IL1RAPL2: variants seen among roughly 807,000 people sequenced by gnomAD.
IL1RAPL2 encodes the protein X-linked interleukin-1 receptor accessory protein-like 2.
In IL1RAPL2, 3 loss-of-function variants were observed where a neutral mutation model predicts 44.1. That is an observed-to-expected ratio of 0.07 (90% CI 0.03 to 0.18). IL1RAPL2 has a LOEUF of 0.18. Among genes scored for constraint, IL1RAPL2 ranks in the 10% least tolerant of loss-of-function variants. The pLI is 1.00. For missense variants in IL1RAPL2, 391 were observed against 496.4 expected (o/e 0.79, Z 2.02); for synonymous variants, 181 against 178.8 (o/e 1.01, Z -0.10).
chrX:105,049,905 T>A (rs5916857), intron 2 of IL1RAPL2, among the ~76,000 whole-genome samples: 6,161 of 110,987 alleles, frequency 0.056, 181 homozygotes, highest in Non-Finnish European at 0.087. Flanking sequence ...ACTCTACAAG[T>A]TCTTAATTAA....
rs1196466656 is a variant in IL1RAPL2, at chrX:104,919,388, G to A, written c.82+260393G>A. ...TTACAGGCATGTGCGACCACACCTG[G>A]CTAATTTTGTATTTTTAGTAGAGAC... On this transcript the variant is annotated intron_variant, in intron 2 of 10. Transcript: ENST00000372582. Among the ~76,000 whole-genome samples, 3 of 108,266 alleles carry A rather than the reference G, an allele frequency of 2.8e-5. No individual in the cohort carries two copies. The Admixed American group carries it at 3.0e-4, about 11-fold the overall frequency. The allele number at this position is 108,266 out of a possible 115,157, so 94.0% of individuals were successfully genotyped here.
intron 2 of IL1RAPL2, among the ~76,000 whole-genome samples, chrX:104,897,279 G>A (rs1486199787): frequency 8.9e-6 from 1 of 111,986 alleles, no homozygotes; most frequent in Non-Finnish European, 1.9e-5. Context: ...AAAATAGGAG[G>A]AATGGCTGGG....
At chrX:104,799,031 C>A (rs776353344) in intron 2 of IL1RAPL2, among the ~76,000 whole-genome samples, 3 of 110,632 alleles carry the variant, frequency 2.7e-5, no homozygotes, top group Non-Finnish European at 5.7e-5. Flanking sequence ...TTACATGGAT[C>A]AACTTATTTA....
At chrX:104,633,052 G>A (rs1330580842) in intron 1 of IL1RAPL2, among the ~76,000 whole-genome samples, 1 of 111,319 alleles carries the variant, frequency 9.0e-6, no homozygotes, top group Non-Finnish European at 1.9e-5. Context: ...TAGCATGAAG[G>A]GTTGTTGAAT....
At chrX:104,632,029 G>T (rs1008902024) in intron 1 of IL1RAPL2, among the ~76,000 whole-genome samples, 13 of 111,432 alleles carry the variant, frequency 1.2e-4, no homozygotes, top group Admixed American at 6.7e-4. Context: ...TAAGGTGTAA[G>T]GAAGGGATCC....
At chrX:105,440,146 G>A (rs1468675812) in intron 5 of IL1RAPL2, among the ~76,000 whole-genome samples, 2 of 111,961 alleles carry the variant, frequency 1.8e-5, no homozygotes. Flanking sequence ...TACAGACCTT[G>A]GGAGTCTTTA....
chrX:104,909,494 T>C (rs1236197141), intron 2 of IL1RAPL2, among the ~76,000 whole-genome samples: 1 of 111,810 alleles, frequency 8.9e-6, no homozygotes, highest in Non-Finnish European at 1.9e-5. Flanking sequence ...TTTGGTCTTC[T>C]ATGATGGTGA....
At chrX:104,732,627 A>G (rs1165749602) in intron 2 of IL1RAPL2, among the ~76,000 whole-genome samples, 1 of 111,982 alleles carries the variant, frequency 8.9e-6, no homozygotes, top group Non-Finnish European at 1.9e-5. Flanking sequence ...AATTGTATCA[A>G]TAGTCAAAAA....
At chrX:105,738,399 G>A (rs761534440) in intron 7 of IL1RAPL2, among the ~76,000 whole-genome samples, 2 of 110,924 alleles carry the variant, frequency 1.8e-5, no homozygotes, top group Non-Finnish European at 3.8e-5. Flanking sequence ...ATTGGGAGGC[G>A]GGTACTTAGA....
chrX:105,047,631 A>C (rs1213568554), intron 2 of IL1RAPL2, among the ~76,000 whole-genome samples: 1 of 111,371 alleles, frequency 9.0e-6, no homozygotes, highest in Non-Finnish European at 1.9e-5. Flanking sequence ...CTTGTCTTCT[A>C]TTCTAACAAG....
chrX:105,122,195 T>C (rs187330397), intron 2 of IL1RAPL2, among the ~76,000 whole-genome samples: 16 of 111,475 alleles, frequency 1.4e-4, no homozygotes, highest in African/African-American at 5.2e-4. Context: ...AAGGGGAAAA[T>C]TGGTAACTCT....
intron 1 of IL1RAPL2, among the ~76,000 whole-genome samples, chrX:104,630,467 T>G (rs1449647685): frequency 9.2e-6 from 1 of 109,259 alleles, no homozygotes; most frequent in Non-Finnish European, 1.9e-5. Flanking sequence ...TTTGTATTTT[T>G]TTTTTTTTTC....
chrX:104,810,199 G>A (rs988242534), intron 2 of IL1RAPL2, among the ~76,000 whole-genome samples: 1 of 109,783 alleles, frequency 9.1e-6, no homozygotes, highest in Non-Finnish European at 1.9e-5. Context: ...TCACTCATAG[G>A]TGGGAATTGA....
intron 2 of IL1RAPL2, among the ~76,000 whole-genome samples, chrX:104,821,031 C>A (rs1221305171): frequency 2.7e-5 from 3 of 111,621 alleles, no homozygotes; most frequent in African/African-American, 9.8e-5. Flanking sequence ...GAAATTACAA[C>A]ACAAACTTAT....
intron 1 of IL1RAPL2, among the ~76,000 whole-genome samples, chrX:104,638,448 T>G (rs950264368): frequency 2.7e-5 from 3 of 111,704 alleles, no homozygotes; most frequent in African/African-American, 6.5e-5. Context: ...AGGTGCACTA[T>G]TAAATTATTT....
At chrX:105,122,161 A>G (rs2032931880) in intron 2 of IL1RAPL2, among the ~76,000 whole-genome samples, 1 of 111,662 alleles carries the variant, frequency 9.0e-6, no homozygotes, top group Admixed American at 9.5e-5. Context: ...TAGTACATGC[A>G]TATTTCTTTT....
intron 7 of IL1RAPL2, among the ~76,000 whole-genome samples, chrX:105,724,938 C>A (rs2038338057): frequency 2.7e-5 from 3 of 111,495 alleles, no homozygotes; most frequent in Admixed American, 1.9e-4. Flanking sequence ...CACCTCAGTC[C>A]TGTACCACTA....
At position 104,828,348 on chromosome X, in the gene IL1RAPL2, C is replaced by T. The variant is rs189141280; in HGVS notation, c.82+169353C>T. ...TTTTTTATTAATATTGATGGTATTGCTTTCTGTTTATTAGTTTTCTTCTAA... is the reference window on the plus strand; with the variant it reads ...TTTTTTATTAATATTGATGGTATTGTTTTCTGTTTATTAGTTTTCTTCTAA... On this transcript the variant is annotated intron_variant, in intron 2 of 10. Transcript: ENST00000372582. Among the ~76,000 whole-genome samples, 476 of 111,757 alleles carry T rather than the reference C, an allele frequency of 4.3e-3. 1 individual carries two copies. Among genetic ancestry groups the T allele is most frequent in the African/African-American group, 0.014 (445 of 30,758 alleles).
chrX:104,838,854 T>C (rs1462864441), intron 2 of IL1RAPL2, among the ~76,000 whole-genome samples: 1 of 88,511 alleles, frequency 1.1e-5, no homozygotes, highest in African/African-American at 4.1e-5. Flanking sequence ...TTTCTTTTTT[T>C]TTTTTTTTTT....
Sources: allele counts gnomAD v4.1 joint callset (sites outside exome capture counted in the v4.1 genomes callset), GRCh38; gene constraint gnomAD v4.1.1; transcripts MANE v1.5; gene names NCBI Gene and HGNC (gene_info 2026-07-23, HGNC 2026-07-21).